Variants in KCNIP4 observed in about 807,000 individuals in gnomAD.
KCNIP4 encodes the protein potassium voltage-gated channel interacting protein 4, also known as Kv channel-interacting protein 4.
A neutral mutation model predicts 34.0 loss-of-function variants in KCNIP4; 12 were observed. The observed-to-expected ratio is 0.35, with a 90% CI of 0.23 to 0.57. The LOEUF is 0.57. Ranked by LOEUF, KCNIP4 falls within the 20% of genes least tolerant of loss-of-function variation. The pLI is 0.83. For missense variants in KCNIP4, 238 were observed against 311.7 expected, an observed-to-expected ratio of 0.76 and a Z score of 1.78; for synonymous variants, 124 against 102.2, an observed-to-expected ratio of 1.21 and a Z score of -1.29.
chr4:20,985,753 A>G lies in KCNIP4; in HGVS notation c.62-103044T>C, dbSNP rs143773143. Among the ~76,000 whole-genome samples the G allele has an allele frequency of 1.4e-3, 210 of 152,294 alleles. 3 individuals are homozygous for G. In the East Asian group the frequency reaches 0.038, roughly 27 times the overall value. The stretch of plus-strand genomic sequence containing the variant: ...TGTCTGCGCGGTACAGTGGGAAAAC[A>G]AGGAGGGAAAGTCAACTCTAATTGG... On this transcript the variant is annotated intron_variant, in intron 1 of 8. Coordinates refer to ENST00000382152, the MANE Select transcript of KCNIP4 (RefSeq NM_025221.6).
intron 1 of KCNIP4, among the ~76,000 whole-genome samples, chr4:20,984,586 C>T (rs1410063134): frequency 1.3e-5 from 2 of 152,186 alleles, no homozygotes; most frequent in African/African-American, 4.8e-5. Context: ...CTCCGTGATT[C>T]AATGACTTTG....
At chr4:20,778,095 C>G (rs546700033) in intron 3 of KCNIP4, among the ~76,000 whole-genome samples, 8 of 152,270 alleles carry the variant, frequency 5.3e-5, no homozygotes, top group African/African-American at 1.9e-4. Flanking sequence ...GCCTCCACTC[C>G]CAAACTCAGC....
At chr4:21,082,974 T>C (rs1746132397) in intron 1 of KCNIP4, among the ~76,000 whole-genome samples, 1 of 151,848 alleles carries the variant, frequency 6.6e-6, no homozygotes, top group African/African-American at 2.4e-5. Flanking sequence ...CTCTGTATTT[T>C]AGGTCTTATC....
chr4:21,292,545 C>T (rs1049049592), intron 1 of KCNIP4, among the ~76,000 whole-genome samples: 6 of 152,066 alleles, frequency 3.9e-5, no homozygotes, highest in African/African-American at 7.2e-5. Context: ...ACTATGACTG[C>T]GAATCTCAAA....
intron 1 of KCNIP4, among the ~76,000 whole-genome samples, chr4:21,294,014 G>C (rs948596405): frequency 3.3e-5 from 5 of 152,110 alleles, no homozygotes; most frequent in African/African-American, 7.2e-5. Context: ...TCTTAGGTGA[G>C]TGGCTGAAAT....
intron 1 of KCNIP4, among the ~76,000 whole-genome samples, chr4:21,265,104 A>C (rs1474830115): frequency 1.1e-4 from 17 of 151,898 alleles, no homozygotes; most frequent in Non-Finnish European, 2.5e-4. Context: ...GCCTCAAATA[A>C]TAATAATAAT....
At chr4:21,181,390 T>C (rs192164433) in intron 1 of KCNIP4, among the ~76,000 whole-genome samples, 17 of 152,248 alleles carry the variant, frequency 1.1e-4, no homozygotes, top group African/African-American at 2.9e-4. Context: ...CTCAGTGATA[T>C]TTTAGCTCTT....
At chr4:21,318,730 T>C (rs558865106) in intron 1 of KCNIP4, among the ~76,000 whole-genome samples, 39 of 152,150 alleles carry the variant, frequency 2.6e-4, no homozygotes, top group Non-Finnish European at 4.3e-4. Context: ...TTAGGATTCA[T>C]TTGTTAAAGA....
At chr4:21,605,558 G>A (rs1020868331) in intron 1 of KCNIP4, among the ~76,000 whole-genome samples, 3 of 151,916 alleles carry the variant, frequency 2.0e-5, no homozygotes, top group Non-Finnish European at 4.4e-5. Context: ...TCGGCTCATT[G>A]CAACCTTTGT....
intron 1 of KCNIP4, among the ~76,000 whole-genome samples, chr4:20,923,503 G>C (rs1316201305): frequency 6.6e-6 from 1 of 152,096 alleles, no homozygotes; most frequent in Non-Finnish European, 1.5e-5. Context: ...CACAGAAAAA[G>C]CTCATTGATA....
intron 1 of KCNIP4, among the ~76,000 whole-genome samples, chr4:21,392,698 T>C (rs1438539633): frequency 2.0e-5 from 3 of 152,236 alleles, no homozygotes; most frequent in East Asian, 1.9e-4. Flanking sequence ...AACAATCTAA[T>C]AGACTAACAA....
rs551245341 is a variant in KCNIP4 at position 21,781,187 on chromosome 4, C to A, written c.61+167384G>T. Among the ~76,000 whole-genome samples the A allele has an allele frequency of 7.2e-5, 11 of 152,204 alleles. No individual in the cohort carries two copies. The South Asian group carries it at 1.9e-3, about 26-fold the overall frequency. Reference sequence around the variant, plus strand: ...CCCATGCTGTTCTCATGATAGTGAGCAAGTTTTCACAAAATCTGATAGTTT... The same window carrying A: ...CCCATGCTGTTCTCATGATAGTGAGAAAGTTTTCACAAAATCTGATAGTTT... On this transcript the variant is annotated intron_variant, in intron 1 of 8. Coordinates refer to ENST00000382152, the MANE Select transcript of KCNIP4 (RefSeq NM_025221.6).
chr4:20,922,844 G>T (rs999437948), intron 1 of KCNIP4, among the ~76,000 whole-genome samples: 1 of 152,056 alleles, frequency 6.6e-6, no homozygotes, highest in African/African-American at 2.4e-5. Context: ...TAAAAATATT[G>T]TTTATAGAAT....
At chr4:21,492,366 G>A (rs1348979169) in intron 1 of KCNIP4, among the ~76,000 whole-genome samples, 1 of 152,052 alleles carries the variant, frequency 6.6e-6, no homozygotes, top group African/African-American at 2.4e-5. Flanking sequence ...CTACAGACAT[G>A]TATCACCATG....
At chr4:20,979,464 T>A (rs750580040) in intron 1 of KCNIP4, among the ~76,000 whole-genome samples, 1 of 150,628 alleles carries the variant, frequency 6.6e-6, no homozygotes, top group South Asian at 2.1e-4. Context: ...AGTGGCGAGA[T>A]CTCGGCTCAC....
chr4:20,974,755 T>G (rs966371237), intron 1 of KCNIP4, among the ~76,000 whole-genome samples: 2 of 152,224 alleles, frequency 1.3e-5, no homozygotes, highest in Admixed American at 6.5e-5. Context: ...TATGTTCATT[T>G]ATATATAAAC....
At chr4:21,405,662 G>A (rs1468226275) in intron 1 of KCNIP4, among the ~76,000 whole-genome samples, 1 of 152,176 alleles carries the variant, frequency 6.6e-6, no homozygotes, top group Non-Finnish European at 1.5e-5. Context: ...ACACATGGAA[G>A]GACCTAATAA....
intron 1 of KCNIP4, among the ~76,000 whole-genome samples, chr4:21,872,855 A>G (rs1725895226): frequency 6.6e-6 from 1 of 152,224 alleles, no homozygotes; most frequent in Non-Finnish European, 1.5e-5. Context: ...AACTTTTTCT[A>G]TGAAGCCAGT....
intron 1 of KCNIP4, among the ~76,000 whole-genome samples, chr4:21,915,809 T>TC (rs1476679990): frequency 6.6e-6 from 1 of 152,236 alleles, no homozygotes; most frequent in Admixed American, 6.5e-5. Flanking sequence ...TATGTCATGT[T>TC]CTTTTTTATT....
Sources: allele counts gnomAD v4.1 joint callset (sites outside exome capture counted in the v4.1 genomes callset), GRCh38; gene constraint gnomAD v4.1.1; transcripts MANE v1.5; gene names NCBI Gene and HGNC (gene_info 2026-07-23, HGNC 2026-07-21).